MAPKBP1: variants seen among roughly 807,000 people sequenced by gnomAD.
The protein encoded by MAPKBP1 is mitogen-activated protein kinase binding protein 1, also known as mitogen-activated protein kinase-binding protein 1.
A neutral mutation model predicts 170.5 loss-of-function variants in MAPKBP1; 71 were observed. The ratio of observed to expected loss-of-function variants is 0.42; its 90% confidence interval spans 0.34 to 0.51. The LOEUF (loss-of-function observed/expected upper bound fraction) is 0.51, where lower values mean the gene tolerates loss of function less well. MAPKBP1 is among the 20% of genes least tolerant of loss of function. The pLI is 0.06. For missense variants in MAPKBP1, 1,598 were observed against 1,933.0 expected, an observed-to-expected ratio of 0.83 and a Z score of 3.25; for synonymous variants, 719 against 757.9, an observed-to-expected ratio of 0.95 and a Z score of 0.84.
intron 2 of MAPKBP1, among the ~76,000 whole-genome samples, chr15:41,777,839 A>G (rs993770219): frequency 7.2e-5 from 11 of 152,258 alleles, no homozygotes; most frequent in Admixed American, 1.3e-4. Context: ...TAAAATTTGA[A>G]GACAAAAAGG....
intron 27 of MAPKBP1, 21 bp from the exon 28 acceptor site, chr15:41,822,918 T>C: frequency 6.3e-7 from 1 of 1,584,694 alleles, no homozygotes; most frequent in Non-Finnish European, 8.6e-7. Flanking sequence ...CTGGGCCTTC[T>C]CCCACATGTT....
chr15:41,811,905 G>GTA, intron 5 of MAPKBP1, 52 bp from the exon 6 acceptor site: 1 of 1,596,946 alleles, frequency 6.3e-7, no homozygotes, highest in Non-Finnish European at 8.6e-7. Context: ...AAGTGGGGCT[G>GTA]TATGCCTGTG....
intron 2 of MAPKBP1, among the ~76,000 whole-genome samples, chr15:41,798,857 A>C (rs531106829): frequency 6.6e-6 from 1 of 152,292 alleles, no homozygotes; most frequent in South Asian, 2.1e-4. Flanking sequence ...TCTCTGAGCC[A>C]GGGGAGATCA....
intron 2 of MAPKBP1, among the ~76,000 whole-genome samples, chr15:41,795,800 G>A (rs1333804602): frequency 1.3e-5 from 2 of 151,920 alleles, no homozygotes; most frequent in Non-Finnish European, 1.5e-5. Flanking sequence ...TATTAGAGAC[G>A]GGGTTTCACC....
In MAPKBP1 at chr15:41,819,553, G is replaced by GC. The variant is rs1555454066; in HGVS notation, c.2426-42_2426-41insC. On this transcript the variant is annotated intron_variant, in intron 21 of 30. Coordinates refer to ENST00000457542, the MANE Select transcript of MAPKBP1 (RefSeq NM_014994.3). ...GGGCTCCAGGGTTGGGTGGCGGGGG[G>GC]GGGGCAGGAGACACTTCCTCTGACT... is the stretch of plus-strand genomic sequence containing the variant. 1.7e-5 allele frequency: 26 copies of GC among 1,502,770 alleles called. 1 individual carries two copies. Among genetic ancestry groups the GC allele is most frequent in the Non-Finnish European group, 2.2e-5 (24 of 1,096,262 alleles). The allele number at this position is 1,502,770 out of a possible 1,614,324, so 93.1% of individuals were successfully genotyped here. A position where few individuals can be genotyped will look rare whatever the true frequency, so the allele number is the denominator to read the frequency against.
At chr15:41,796,767 G>A (rs1425063957) in intron 2 of MAPKBP1, among the ~76,000 whole-genome samples, 1 of 152,134 alleles carries the variant, frequency 6.6e-6, no homozygotes, top group Admixed American at 6.5e-5. Flanking sequence ...AATGACTAAG[G>A]AACACAAAGG....
intron 3 of MAPKBP1, among the ~76,000 whole-genome samples, chr15:41,802,853 CACAA>C (rs1441195275): frequency 6.6e-6 from 1 of 152,132 alleles, no homozygotes; most frequent in Non-Finnish European, 1.5e-5. Context: ...AAAACAAAGA[CACAA>C]ACACACACAT....
chr15:41,807,544 A>G (rs1410460293), intron 3 of MAPKBP1, among the ~76,000 whole-genome samples: 2 of 152,212 alleles, frequency 1.3e-5, no homozygotes, highest in Non-Finnish European at 2.9e-5. Context: ...ACTAATCAGA[A>G]GGCTAGGGAA....
chr15:41,774,498 A>G lies in MAPKBP1; in HGVS notation c.-222A>G, dbSNP rs1170261866. 5.0e-6 allele frequency: 2 copies of G among 398,322 alleles called. No homozygotes were observed. Among genetic ancestry groups the G allele is most frequent in the African/African-American group, 4.1e-5 (2 of 48,634 alleles). The allele number at this position is 398,322 out of a possible 1,614,324, so 24.7% of individuals were successfully genotyped here. Reference sequence around the variant, plus strand: ...GTTCGCGTTTTGAGCCGATCGTGCCACCATAGCTCCTGCTGCTGCCTCTAC... The same window carrying G: ...GTTCGCGTTTTGAGCCGATCGTGCCGCCATAGCTCCTGCTGCTGCCTCTAC... On this transcript the variant is annotated 5_prime_UTR_variant, in exon 1 of 31. Coordinates refer to ENST00000457542, the MANE Select transcript of MAPKBP1 (RefSeq NM_014994.3).
chr15:41,800,083 G>A (rs933528250), intron 3 of MAPKBP1, among the ~76,000 whole-genome samples, 169 bp downstream of exon 3: 7 of 152,074 alleles, frequency 4.6e-5, no homozygotes, highest in African/African-American at 1.7e-4. Flanking sequence ...TCTTTGTCGG[G>A]TGCTGTCATT....
rs760450119 is a variant in MAPKBP1, at chr15:41,817,610, G to A, written c.1783-4G>A. The A allele has an allele frequency of 6.2e-7, 1 of 1,614,072 alleles. No homozygotes were observed. The highest frequency in any genetic ancestry group is 8.5e-7 in the Non-Finnish European group (1 of 1,180,024). On this transcript the variant is annotated splice_region_variant and splice_polypyrimidine_tract_variant and intron_variant, in intron 15 of 30. Transcript: ENST00000457542. The surrounding 1 kb of genome is among the most constrained non-coding windows in gnomAD (Gnocchi z 4.2). ...GGGCCTGCCCACATGCTCCACCCCTGCAGTCTGGAGATGGAGTGCAGTTCA... is the reference window on the plus strand; with the variant it reads ...GGGCCTGCCCACATGCTCCACCCCTACAGTCTGGAGATGGAGTGCAGTTCA...
intron 2 of MAPKBP1, among the ~76,000 whole-genome samples, chr15:41,794,099 G>C (rs1011819415): frequency 1.3e-5 from 2 of 152,144 alleles, no homozygotes; most frequent in African/African-American, 4.8e-5. Flanking sequence ...AGACACGATG[G>C]TGGGTGCCTG....
In MAPKBP1 at chr15:41,823,536, C is replaced by G. The variant is rs1211037552; in HGVS notation, c.3688C>G (p.Pro1230Ala). The part of the protein sequence containing the change: ...EAQDGLGSLP[P>A]ADGRPSRPHS... Reference sequence around the variant, plus strand: ...TCAGGATGGTCTGGGCTCCCTGCCCCCAGCTGATGGCCGTCCGTCTCGGCC... The same window carrying G: ...TCAGGATGGTCTGGGCTCCCTGCCCGCAGCTGATGGCCGTCCGTCTCGGCC... Residue 1230 changes from proline to alanine, a missense_variant, in exon 29 of 31, where the codon CCA becomes GCA. Pro to Ala is a conservative substitution (Grantham distance 27, BLOSUM62 -1). Around this residue, in one of 6 missense-constraint regions of MAPKBP1, gnomAD observed 942 missense variants for 953.2 expected, o/e 0.99. Transcript: ENST00000457542. 21 of 1,614,046 alleles carry G rather than the reference C, an allele frequency of 1.3e-5. No homozygotes were observed. The highest frequency in any genetic ancestry group is 2.7e-5 in the African/African-American group (2 of 74,930).
rs2065074129 is a variant in MAPKBP1 at position 41,825,412 on chromosome 15, A to G, written c.4503A>G (p.Glu1501=). The G allele has an allele frequency of 6.2e-7, 1 of 1,611,848 alleles. No homozygotes were observed. Among genetic ancestry groups the G allele is most frequent in the Admixed American group, 1.7e-5 (1 of 59,926 alleles). Residue 1501 remains glutamate, a synonymous_variant, in exon 31 of 31, where the codon GAA becomes GAG. Coordinates refer to ENST00000457542, the MANE Select transcript of MAPKBP1 (RefSeq NM_014994.3). ...QYSELLLRAV[E]RRMERKL ...CAGAACTGTTGCTTCGAGCCGTGGA[A>G]CGGCGTATGGAACGCAAACTCTGAG...
chr15:41,786,559 T>G (rs1438114987), intron 2 of MAPKBP1, among the ~76,000 whole-genome samples: 1 of 151,236 alleles, frequency 6.6e-6, no homozygotes, highest in African/African-American at 2.4e-5. Context: ...GGTCAGGAGA[T>G]AGAGACCATT....
Position 41,817,164 on chromosome 15 carries a change from T to C in MAPKBP1, c.1711+129T>C. 7.0e-7 allele frequency: 1 copy of C among 1,428,784 alleles called. No individual in the cohort carries two copies. The highest frequency in any genetic ancestry group is 9.4e-7 in the Non-Finnish European group (1 of 1,063,034). 88.5% of individuals were successfully genotyped at this position (1,428,784 alleles called of 1,614,324 possible). On this transcript the variant is annotated intron_variant, in intron 14 of 30. Transcript: ENST00000457542. This position sits in a 1 kb window ranked among gnomAD's most constrained non-coding sequence, Gnocchi z 4.2. ...CAGCAGCTGGGAGGCCTGGAGCTGG[T>C]TGGGAAGATAGGTGGAACAGAGACT...
At chr15:41,784,807 C>T (rs946480142) in intron 2 of MAPKBP1, among the ~76,000 whole-genome samples, 2 of 135,402 alleles carry the variant, frequency 1.5e-5, no homozygotes, top group Non-Finnish European at 3.1e-5. Flanking sequence ...AAAAAATTAG[C>T]TGGGACTTTG....
intron 12 of MAPKBP1, chr15:41,816,249 A>T (rs758776127): frequency 2.7e-5 from 11 of 406,416 alleles, no homozygotes; most frequent in Admixed American, 7.9e-5. Context: ...TGGATTCTGG[A>T]TAGGATCTAG....
intron 5 of MAPKBP1, 181 bp downstream of exon 5, chr15:41,811,416 G>C: frequency 1.4e-6 from 1 of 722,126 alleles, no homozygotes; most frequent in South Asian, 1.5e-5. Flanking sequence ...CACTTGGAGG[G>C]CTTGTGAAAG....
Sources: allele counts gnomAD v4.1 joint callset (sites outside exome capture counted in the v4.1 genomes callset), GRCh38; gene constraint gnomAD v4.1.1; regional missense constraint gnomAD v4.1.1; non-coding constraint Gnocchi (gnomAD v3.1); transcripts MANE v1.5; gene names NCBI Gene and HGNC (gene_info 2026-07-23, HGNC 2026-07-21).